The following MSI2 variants were observed in gnomAD, a reference collection of about 807,000 sequenced individuals.
MSI2 encodes the protein musashi RNA binding protein 2.
Under a neutral mutation model 45.6 loss-of-function variants are expected in MSI2, and 17 were observed. That is an observed-to-expected ratio of 0.37 (90% CI 0.26 to 0.56). The LOEUF (loss-of-function observed/expected upper bound fraction) is 0.56, where lower values mean the gene tolerates loss of function less well. Among genes scored for constraint, MSI2 ranks in the 20% least tolerant of loss-of-function variants. The pLI, the probability that MSI2 is intolerant of heterozygous loss-of-function variation, is 0.77. For missense variants in MSI2, 293 were observed against 444.2 expected, an observed-to-expected ratio of 0.66 and a Z score of 3.06; for synonymous variants, 156 against 158.2, an observed-to-expected ratio of 0.99 and a Z score of 0.11.
intron 6 of MSI2, among the ~76,000 whole-genome samples, chr17:57,506,994 T>C (rs941986073): frequency 6.6e-6 from 1 of 152,134 alleles, no homozygotes; most frequent in Admixed American, 6.5e-5. Flanking sequence ...TAAACACATC[T>C]TAAAGATGCT....
intron 6 of MSI2, among the ~76,000 whole-genome samples, chr17:57,500,860 G>A (rs890512179): frequency 1.4e-4 from 22 of 151,780 alleles, no homozygotes; most frequent in African/African-American, 5.3e-4. Flanking sequence ...CTACTTGGGA[G>A]GCTGAGGTGG....
At chr17:57,284,851 G>A (rs1421210662) in intron 5 of MSI2, among the ~76,000 whole-genome samples, 3 of 151,812 alleles carry the variant, frequency 2.0e-5, no homozygotes, top group Non-Finnish European at 4.4e-5. Context: ...AGAAGCTCAA[G>A]TTGGCCAGGG....
At chr17:57,633,177 C>T (rs1420152026) in intron 10 of MSI2, 2 of 1,015,898 alleles carry the variant, frequency 2.0e-6, no homozygotes, top group Non-Finnish European at 2.4e-6. Flanking sequence ...AAATTGTTTA[C>T]CATGGACATA....
At chr17:57,322,876 G>A (rs1269165910) in intron 5 of MSI2, among the ~76,000 whole-genome samples, 2 of 152,124 alleles carry the variant, frequency 1.3e-5, no homozygotes, top group Non-Finnish European at 2.9e-5. Flanking sequence ...ACACCTGGGG[G>A]GTTCCCAGGT....
At chr17:57,646,177 C>A (rs962098075) in intron 10 of MSI2, among the ~76,000 whole-genome samples, 4 of 152,134 alleles carry the variant, frequency 2.6e-5, no homozygotes, top group African/African-American at 9.7e-5. Flanking sequence ...TGAGTCCCTG[C>A]CCTAGAAGAG....
intron 6 of MSI2, among the ~76,000 whole-genome samples, chr17:57,456,207 G>A (rs1407824381): frequency 3.3e-5 from 5 of 152,236 alleles, no homozygotes; most frequent in African/African-American, 1.2e-4. Context: ...GCCTTTGGCA[G>A]GGAACTCGGG....
intron 10 of MSI2, chr17:57,632,324 C>G: frequency 9.4e-7 from 1 of 1,067,938 alleles, no homozygotes; most frequent in Admixed American, 5.3e-5. Flanking sequence ...ACAGACTATT[C>G]TCTAAGAATG....
chr17:57,262,310 G>A, intron 5 of MSI2, 118 bp downstream of exon 5: 3 of 1,123,380 alleles, frequency 2.7e-6, no homozygotes, highest in Middle Eastern at 3.9e-4. Flanking sequence ...TTCCTTCGGG[G>A]TATCAGGACA....
intron 7 of MSI2, among the ~76,000 whole-genome samples, chr17:57,584,627 A>G (rs1226942537): frequency 6.6e-6 from 1 of 152,128 alleles, no homozygotes; most frequent in African/African-American, 2.4e-5. Context: ...GAGTTTTGGA[A>G]CCTTATCTGC....
chr17:57,400,114 A>G (rs2083962713), intron 5 of MSI2, among the ~76,000 whole-genome samples: 1 of 152,230 alleles, frequency 6.6e-6, no homozygotes. Flanking sequence ...AAATTCTACA[A>G]TTTTGTATTG....
At chr17:57,332,026 G>A (rs1407224630) in intron 5 of MSI2, among the ~76,000 whole-genome samples, 1 of 151,948 alleles carries the variant, frequency 6.6e-6, no homozygotes, top group Non-Finnish European at 1.5e-5. Context: ...TAATAGAAAA[G>A]TTTGGTCCTC....
intron 12 of MSI2, among the ~76,000 whole-genome samples, chr17:57,676,234 G>A (rs1050510821): frequency 6.6e-6 from 1 of 152,078 alleles, no homozygotes; most frequent in Non-Finnish European, 1.5e-5. Context: ...TCACACGCAC[G>A]CATGCATGCA....
chr17:57,325,505 GT>G (rs1913713018), intron 5 of MSI2, among the ~76,000 whole-genome samples: 1 of 152,250 alleles, frequency 6.6e-6, no homozygotes, highest in Non-Finnish European at 1.5e-5. Flanking sequence ...AAAGGGACGT[GT>G]TTGAGTCCTG....
chr17:57,320,619 G>A (rs1014094363), intron 5 of MSI2, among the ~76,000 whole-genome samples: 12 of 152,150 alleles, frequency 7.9e-5, no homozygotes, highest in Non-Finnish European at 1.5e-4. Flanking sequence ...TCATCAAAGC[G>A]CTGAGTGATG....
At chr17:57,276,756 T>A (rs932768760) in intron 5 of MSI2, among the ~76,000 whole-genome samples, 2 of 152,170 alleles carry the variant, frequency 1.3e-5, no homozygotes, top group Admixed American at 6.5e-5. Flanking sequence ...ATTTCCTTGG[T>A]TTCCAAATTG....
intron 5 of MSI2, among the ~76,000 whole-genome samples, chr17:57,392,612 G>T (rs558544136): frequency 6.6e-6 from 1 of 152,166 alleles, no homozygotes; most frequent in Non-Finnish European, 1.5e-5. Context: ...ATACAGGGAG[G>T]GAGAACTTGG....
At chr17:57,586,437 T>C (rs2088349788) in intron 7 of MSI2, among the ~76,000 whole-genome samples, 1 of 152,026 alleles carries the variant, frequency 6.6e-6, no homozygotes. Flanking sequence ...TGTCTGTCCT[T>C]ATAAAATGCA....
At chr17:57,392,630 T>G (rs968781422) in intron 5 of MSI2, among the ~76,000 whole-genome samples, 3 of 152,144 alleles carry the variant, frequency 2.0e-5, no homozygotes, top group African/African-American at 7.2e-5. Context: ...TGGAGGAACA[T>G]TTGGGGTTAT....
In MSI2 at chr17:57,585,700, C is replaced by T. The variant is rs1598424798; in HGVS notation, c.455-11168C>T. On this transcript the variant is annotated intron_variant, in intron 7 of 13. Transcript: ENST00000284073. The stretch of plus-strand genomic sequence containing the variant: ...TCAGTGGAGTAGCTGGGGGTACCAA[C>T]CCAAAAACCCACCTCCAGAGGGAAG... 2.6e-5 allele frequency among the ~76,000 whole-genome samples: 4 copies of T among 152,316 alleles called. No individual in the cohort carries two copies. The East Asian group carries it at 7.7e-4, about 29-fold the overall frequency.
Sources: allele counts gnomAD v4.1 joint callset (sites outside exome capture counted in the v4.1 genomes callset), GRCh38; gene constraint gnomAD v4.1.1; transcripts MANE v1.5; gene names NCBI Gene and HGNC (gene_info 2026-07-23, HGNC 2026-07-21).